Variants in GRAMD1C observed in about 807,000 individuals in gnomAD.
GRAMD1C encodes protein Aster-C.
Under a neutral mutation model 97.8 loss-of-function variants are expected in GRAMD1C, and 89 were observed. The ratio of observed to expected loss-of-function variants is 0.91; its 90% CI spans 0.77 to 1.09. The LOEUF is 1.09. Ranked by LOEUF, GRAMD1C falls within the 50% of genes least tolerant of loss-of-function variation. GRAMD1C has a pLI of 0.00. For missense variants in GRAMD1C, 740 were observed against 766.4 expected (o/e 0.97, Z 0.41); for synonymous variants, 256 against 267.0 (o/e 0.96, Z 0.40).
upstream of GRAMD1C, among the ~76,000 whole-genome samples, chr3:113,834,939 C>CAA (rs58338279): frequency 9.6e-3 from 1,207 of 126,022 alleles, 17 homozygotes; most frequent in African/African-American, 0.033. Flanking sequence ...AACTCCGTCT[C>CAA]AAAAAAAAAA....
chr3:113,833,310 GT>G (rs1333990654), intron 1 of GRAMD1C, among the ~76,000 whole-genome samples: 2 of 151,574 alleles, frequency 1.3e-5, no homozygotes, highest in East Asian at 3.9e-4. Flanking sequence ...GCTAATTTTT[GT>G]ATTTTTAGTA....
Position 113,838,899 on chromosome 3 carries a change from A to G in GRAMD1C, c.-11A>G. ...GCGCGGGGCGGTGCCGCGGCGGCGG[A>G]GGGAGCCGCGATGGAGGGCGCTCCG... On this transcript the variant is annotated 5_prime_UTR_variant, in exon 1 of 18. Coordinates refer to ENST00000358160, the MANE Select transcript of GRAMD1C (RefSeq NM_017577.5). The G allele has an allele frequency of 2.4e-6, 3 of 1,232,422 alleles. No individual in the cohort carries two copies. Among genetic ancestry groups the G allele is most frequent in the Non-Finnish European group, 3.0e-6 (3 of 986,934 alleles). The allele number at this position is 1,232,422 out of a possible 1,614,324, so 76.3% of individuals were successfully genotyped here. A position where few individuals can be genotyped will look rare whatever the true frequency, so the allele number is the denominator to read the frequency against.
upstream of GRAMD1C, among the ~76,000 whole-genome samples, chr3:113,836,530 C>CA (rs1553713570): frequency 6.8e-6 from 1 of 147,458 alleles, no homozygotes; most frequent in Non-Finnish European, 1.5e-5. Flanking sequence ...CTCCTAAATA[C>CA]TTTTTTTTTT....
rs1180670450 is a variant in GRAMD1C, at chr3:113,917,600, G to A, written c.1090+1762G>A. ...GCCTCCCAAAGTACTAGGATTACAA[G>A]AATGAGCCACTGCACCCAGCCGCAA... On this transcript the variant is annotated intron_variant, in intron 10 of 17. Coordinates refer to ENST00000358160, the MANE Select transcript of GRAMD1C (RefSeq NM_017577.5). Among the ~76,000 whole-genome samples the A allele has an allele frequency of 2.6e-5, 4 of 152,060 alleles. No homozygotes were observed. In the East Asian group the frequency reaches 7.7e-4, roughly 29 times the overall value.
At chr3:113,907,137 A>C (rs1936400752) in intron 8 of GRAMD1C, among the ~76,000 whole-genome samples, 1 of 152,224 alleles carries the variant, frequency 6.6e-6, no homozygotes, top group African/African-American at 2.4e-5. Flanking sequence ...CCTAGCACAC[A>C]TTAAATATCC....
At chr3:113,847,278 A>G (rs1163876222) in intron 2 of GRAMD1C, among the ~76,000 whole-genome samples, 1 of 152,246 alleles carries the variant, frequency 6.6e-6, no homozygotes, top group Non-Finnish European at 1.5e-5. Flanking sequence ...TACAAGAGAC[A>G]TGAAAGGAAA....
chr3:113,856,843 ATTTT>A (rs71144093), intron 2 of GRAMD1C, among the ~76,000 whole-genome samples: 1 of 140,878 alleles, frequency 7.1e-6, no homozygotes, highest in Non-Finnish European at 1.5e-5. Context: ...CCAGCTGCCT[ATTTT>A]TTTTTTTTTT....
rs920082931 is a variant in GRAMD1C, at chr3:113,885,612, T to C, written c.540+2780T>C. ...GGTAATAGACAAACATTCTGTCCGG[T>C]TTTTTGTACGTAAGAGGCCCCATGT... On this transcript the variant is annotated intron_variant, in intron 6 of 17. Transcript: ENST00000358160. The C allele has an allele frequency of 3.3e-5, 50 of 1,518,292 alleles. No individual in the cohort carries two copies. The Middle Eastern group carries it at 8.6e-4, about 26-fold the overall frequency. The allele number at this position is 1,518,292 out of a possible 1,614,324, so 94.1% of individuals were successfully genotyped here.
At chr3:113,854,727 C>T (rs932184219) in intron 2 of GRAMD1C, among the ~76,000 whole-genome samples, 2 of 152,000 alleles carry the variant, frequency 1.3e-5, no homozygotes, top group Admixed American at 6.6e-5. Context: ...TTAAAGATCA[C>T]CATATCAACA....
upstream of GRAMD1C, chr3:113,838,575 CAA>C (rs35846590): frequency 0.025 from 4,428 of 174,368 alleles, no homozygotes; most frequent in East Asian, 0.043. Flanking sequence ...AACTCCGTCT[CAA>C]AAAAAAAAAA....
intron 6 of GRAMD1C, among the ~76,000 whole-genome samples, chr3:113,894,748 A>G (rs1326142504): frequency 6.6e-6 from 1 of 152,202 alleles, no homozygotes; most frequent in African/African-American, 2.4e-5. Flanking sequence ...TTAAGGCTTA[A>G]AGAGACAGAA....
intron 10 of GRAMD1C, among the ~76,000 whole-genome samples, chr3:113,923,754 T>C (rs1937141597): frequency 6.6e-6 from 1 of 152,074 alleles, no homozygotes; most frequent in Non-Finnish European, 1.5e-5. Context: ...CTCTGCCAGG[T>C]TTTGGTATCA....
intron 5 of GRAMD1C, among the ~76,000 whole-genome samples, chr3:113,879,737 AG>A (rs1935189556): frequency 7.4e-6 from 1 of 134,500 alleles, no homozygotes; most frequent in African/African-American, 2.8e-5. Flanking sequence ...CTTGTCAACC[AG>A]GCTGGAGTGC....
intron 3 of GRAMD1C, among the ~76,000 whole-genome samples, chr3:113,873,116 CG>C (rs1452164091): frequency 3.0e-5 from 1 of 33,654 alleles, no homozygotes; most frequent in Non-Finnish European, 6.7e-5. Context: ...AAAAATTAGC[CG>C]GGTGTGGTGG....
In GRAMD1C at chr3:113,933,577, G is replaced by A; in HGVS notation, c.1276G>A (p.Val426Ile). Reference sequence around the variant, plus strand: ...AGATTCAGAAGTACTGACACATGATGTCCCCTACCATGATTACTTCTATAC... The same window carrying A: ...AGATTCAGAAGTACTGACACATGATATCCCCTACCATGATTACTTCTATAC... ...LVDSEVLTHD[V>I]PYHDYFYTVN... The change falls in exon 12 of 18, where the codon GTC becomes ATC. Residue 426 changes from valine (V) to isoleucine (I), a missense_variant. Transcript: ENST00000358160. 1.2e-6 allele frequency: 2 copies of A among 1,601,244 alleles called. No individual in the cohort carries two copies. Among genetic ancestry groups the A allele is most frequent in the Non-Finnish European group, 8.6e-7 (1 of 1,168,326 alleles).
intron 17 of GRAMD1C, among the ~76,000 whole-genome samples, chr3:113,941,422 G>T (rs1937769382): frequency 6.6e-6 from 1 of 152,018 alleles, no homozygotes; most frequent in Admixed American, 6.6e-5. Flanking sequence ...TTATTCAGAT[G>T]TCAGCCTTCT....
chr3:113,897,601 A>G (rs1372703998), intron 6 of GRAMD1C: 1 of 981,864 alleles, frequency 1.0e-6, no homozygotes, highest in Non-Finnish European at 1.2e-6. Context: ...AGCAAAACTG[A>G]GAGATTGAAG....
At chr3:113,856,242 T>TC (rs1275355658) in intron 2 of GRAMD1C, among the ~76,000 whole-genome samples, 1 of 152,124 alleles carries the variant, frequency 6.6e-6, no homozygotes, top group Non-Finnish European at 1.5e-5. Flanking sequence ...TTACTTTTTT[T>TC]CTCTTTTACT....
intron 2 of GRAMD1C, 71 bp downstream of exon 2, chr3:113,844,720 T>G: frequency 9.3e-7 from 1 of 1,071,490 alleles, no homozygotes; most frequent in Non-Finnish European, 1.4e-6. Context: ...AGGAGTCATA[T>G]AGTATTTGTA....
Sources: allele counts gnomAD v4.1 joint callset (sites outside exome capture counted in the v4.1 genomes callset), GRCh38; gene constraint gnomAD v4.1.1; transcripts MANE v1.5; gene names NCBI Gene and HGNC (gene_info 2026-07-23, HGNC 2026-07-21).